Variants in PHF24 observed in about 807,000 individuals in gnomAD.
PHF24 encodes Galpha inhibitory interacting protein.
A neutral mutation model predicts 42.6 loss-of-function variants in PHF24; 25 were observed. That is an observed-to-expected ratio of 0.59 (90% CI 0.43 to 0.82). The LOEUF (loss-of-function observed/expected upper bound fraction) is 0.82, where lower values mean the gene tolerates loss of function less well. Among genes scored for constraint, PHF24 ranks in the 40% least tolerant of loss-of-function variants. The pLI, the probability that PHF24 is intolerant of heterozygous loss-of-function variation, is 0.00. For missense variants in PHF24, 470 were observed against 538.1 expected (o/e 0.87, Z 1.25); for synonymous variants, 185 against 204.8 (o/e 0.90, Z 0.83).
At chr9:34,839,219 CCTT>C in the PHF24 span, among the ~76,000 whole-genome samples, 5 of 152,322 alleles carry the variant, frequency 3.3e-5, no homozygotes, top group South Asian at 1.0e-3. Flanking sequence ...CTGCCTCTGT[CCTT>C]CTTATAGCAT....
chr9:34,723,383 G>A, the PHF24 span: 6 of 1,551,724 alleles, frequency 3.9e-6, no homozygotes, highest in Admixed American at 1.2e-4. Flanking sequence ...CAAGAAGGCT[G>A]GGCCCACCAG....
chr9:34,673,366 AAGAG>A, the PHF24 span, among the ~76,000 whole-genome samples: 1 of 136,002 alleles, frequency 7.4e-6, no homozygotes, highest in African/African-American at 2.8e-5. Flanking sequence ...AAAAAAAAAA[AAGAG>A]AGGAATTGAG....
At chr9:34,874,051 C>G in the PHF24 span, among the ~76,000 whole-genome samples, 697 of 152,180 alleles carry the variant, frequency 4.6e-3, 5 homozygotes, top group African/African-American at 0.016. Context: ...ATTTTGTATC[C>G]TGAGACTTTG....
chr9:34,725,848 G>C, the PHF24 span: 1 of 1,551,694 alleles, frequency 6.4e-7, no homozygotes. Context: ...GATCCTTCAA[G>C]GGGGGCTTGG....
intron 4 of PHF24, 60 bp from the exon 5 acceptor site, chr9:34,976,475 A>G (rs930115921): frequency 5.3e-5 from 82 of 1,552,900 alleles, no homozygotes; most frequent in Non-Finnish European, 6.9e-5. Context: ...CCTGGAGGTG[A>G]TGGAGGTGCC....
At chr9:34,922,065 C>T in the PHF24 span, 1 of 900,540 alleles carries the variant, frequency 1.1e-6, no homozygotes, top group South Asian at 1.6e-5. Context: ...TATAGAAATT[C>T]AAATAGAAGT....
chr9:34,730,846 G>A, the PHF24 span, among the ~76,000 whole-genome samples: 1 of 152,286 alleles, frequency 6.6e-6, no homozygotes, highest in Non-Finnish European at 1.5e-5. Context: ...CTAGGGAATG[G>A]GCCATGGAGT....
chr9:34,756,129 C>T, the PHF24 span, among the ~76,000 whole-genome samples: 2 of 152,108 alleles, frequency 1.3e-5, no homozygotes, highest in Admixed American at 6.6e-5. Context: ...CTCAAAGTTT[C>T]GCTCTTGTTG....
chr9:34,964,862 GT>G (rs1177331627), intron 1 of PHF24, among the ~76,000 whole-genome samples: 1 of 152,046 alleles, frequency 6.6e-6, no homozygotes, highest in Admixed American at 6.6e-5. Context: ...TCTCCCCTGA[GT>G]TTTTTTCCAG....
chr9:34,764,693 T>G, the PHF24 span, among the ~76,000 whole-genome samples: 159 of 152,280 alleles, frequency 1.0e-3, 2 homozygotes, highest in Admixed American at 0.01. Flanking sequence ...TGTGTCTCTA[T>G]TTCCTTCAGT....
the PHF24 span, among the ~76,000 whole-genome samples, chr9:34,769,177 C>T: frequency 2.0e-5 from 3 of 152,094 alleles, no homozygotes; most frequent in Non-Finnish European, 2.9e-5. Context: ...AGTGCAGTGG[C>T]GCAGTCTTGG....
At chr9:34,838,656 A>C in the PHF24 span, 2 of 498,982 alleles carry the variant, frequency 4.0e-6, no homozygotes, top group Admixed American at 6.5e-5. Flanking sequence ...CATAAGGTAC[A>C]TGTAGTAGGG....
the PHF24 span, among the ~76,000 whole-genome samples, chr9:34,933,571 A>G: frequency 6.6e-6 from 1 of 151,618 alleles, no homozygotes; most frequent in Non-Finnish European, 1.5e-5. Context: ...AAAAATACAA[A>G]AAAATTAGCC....
the PHF24 span, among the ~76,000 whole-genome samples, chr9:34,931,162 G>T: frequency 1.4e-4 from 22 of 152,178 alleles, no homozygotes; most frequent in African/African-American, 5.3e-4. Flanking sequence ...GGATCACGAG[G>T]TCAGGAGATC....
chr9:34,823,522 A>G, the PHF24 span, among the ~76,000 whole-genome samples: 1 of 152,230 alleles, frequency 6.6e-6, no homozygotes, highest in Admixed American at 6.5e-5. Context: ...TATAGACTCT[A>G]AGCCCCTACC....
the PHF24 span, among the ~76,000 whole-genome samples, chr9:34,870,620 T>C: frequency 1.7e-4 from 26 of 151,076 alleles, no homozygotes; most frequent in African/African-American, 5.8e-4. Context: ...CAGGCTAAAG[T>C]GCAGTGGTAC....
At chr9:34,891,444 C>T in the PHF24 span, among the ~76,000 whole-genome samples, 1 of 152,158 alleles carries the variant, frequency 6.6e-6, no homozygotes, top group African/African-American at 2.4e-5. Context: ...TGCGGACTGG[C>T]CCTCCTGCCA....
chr9:34,751,277 A>G, the PHF24 span, among the ~76,000 whole-genome samples: 1 of 152,202 alleles, frequency 6.6e-6, no homozygotes, highest in Non-Finnish European at 1.5e-5. Context: ...AGGCAGGAGA[A>G]TCACTTGAAC....
the PHF24 span, among the ~76,000 whole-genome samples, chr9:34,841,011 A>G: frequency 0.049 from 7,407 of 150,248 alleles, 342 homozygotes; most frequent in African/African-American, 0.11. Flanking sequence ...TTTATTTTTT[A>G]TTTTTTGAGA....
Sources: allele counts gnomAD v4.1 joint callset (sites outside exome capture counted in the v4.1 genomes callset), GRCh38; gene constraint gnomAD v4.1.1; transcripts MANE v1.5; gene names NCBI Gene and HGNC (gene_info 2026-07-23, HGNC 2026-07-21).